ZP4: variants seen among roughly 807,000 people sequenced by gnomAD.
ZP4 encodes the protein zona pellucida sperm-binding protein 4.
Under a neutral mutation model 62.3 loss-of-function variants are expected in ZP4, and 62 were observed. That is an observed-to-expected ratio of 0.99 (90% CI 0.81 to 1.23). The LOEUF is 1.23. Ranked by LOEUF, ZP4 falls within the 50% of genes most tolerant of loss-of-function variation. The pLI, the probability that ZP4 is intolerant of heterozygous loss-of-function variation, is 0.00. For synonymous variants in ZP4, 289 were observed against 247.3 expected, an observed-to-expected ratio of 1.17 and a Z score of -1.58; for missense variants, 774 against 656.0, an observed-to-expected ratio of 1.18 and a Z score of -1.97.
chr1:237,885,914 T>C (rs770120836), intron 6 of ZP4, 28 bp from the exon 7 acceptor site: 9 of 1,613,308 alleles, frequency 5.6e-6, no homozygotes, highest in Non-Finnish European at 1.7e-6. Context: ...TTTAGCTAGT[T>C]GGTTGTGGGA....
intron 6 of ZP4, 148 bp downstream of exon 6, chr1:237,886,623 T>C: frequency 1.6e-6 from 1 of 622,632 alleles, no homozygotes; most frequent in Non-Finnish European, 2.8e-6. Flanking sequence ...CAGATGGACC[T>C]AATCAAGTAA....
chr1:237,888,642 G>A (rs1665166390), intron 3 of ZP4, 132 bp from the exon 4 acceptor site: 1 of 799,570 alleles, frequency 1.3e-6, no homozygotes, highest in East Asian at 2.8e-5. Flanking sequence ...ACTCCATATT[G>A]TAGATAGTAT....
chr1:237,885,552 A>C lies in ZP4; in HGVS notation c.999T>G (p.Val333=). 6.2e-7 allele frequency: 1 copy of C among 1,614,012 alleles called. No individual in the cohort carries two copies. Among genetic ancestry groups the C allele is most frequent in the Non-Finnish European group, 8.5e-7 (1 of 1,179,960 alleles). Residue 333 remains valine, a synonymous_variant, in exon 8 of 12, where the codon GTT becomes GTG. Transcript: ENST00000366570. Reference sequence around the variant, plus strand: ...GCAACTTCACCACTGGGTAGTCACCAACACCGTAGTAAGAGCCATAGTTTT... The same window carrying C: ...GCAACTTCACCACTGGGTAGTCACCCACACCGTAGTAAGAGCCATAGTTTT... The part of the protein sequence containing the change: ...KDKNYGSYYG[V]GDYPVVKLLR...
At chr1:237,884,632 C>A in intron 10 of ZP4, 137 bp downstream of exon 10, 1 of 730,804 alleles carries the variant, frequency 1.4e-6, no homozygotes, top group East Asian at 2.8e-5. Context: ...CATCTTTGTT[C>A]TATGGCACCG....
At chr1:237,888,325 C>T (rs1187306851) in intron 4 of ZP4, 33 bp downstream of exon 4, 1 of 1,511,668 alleles carries the variant, frequency 6.6e-7, no homozygotes. Context: ...CACACTTCCT[C>T]AGCTGGTTTC....
intron 6 of ZP4, 91 bp downstream of exon 6, chr1:237,886,680 A>G: frequency 9.4e-7 from 1 of 1,058,470 alleles, no homozygotes; most frequent in Admixed American, 2.0e-5. Flanking sequence ...GTTTTCTCCT[A>G]TTGCTGAGGA....
chr1:237,883,763 G>GAGAGAGGAAGAGAGAGGA lies in ZP4; in HGVS notation c.1391-918_1391-917insTCCTCTCTCTTCCTCTCT, dbSNP rs1664994702. Reference sequence around the variant, plus strand: ...AGAGGGAGAGAGAGGGAGAGAGAGGGAGAGAGAGGAAGAGAGAGGAAGAGA... The same window carrying GAGAGAGGAAGAGAGAGGA: ...AGAGGGAGAGAGAGGGAGAGAGAGGGAGAGAGGAAGAGAGAGGAAGAGAGAGGAAGAGAGAGGAAGAGA... On this transcript the variant is annotated intron_variant, in intron 10 of 11. Transcript: ENST00000366570. 2.7e-4 allele frequency among the ~76,000 whole-genome samples: 12 copies of GAGAGAGGAAGAGAGAGGA among 44,188 alleles called. 1 individual carries two copies. The highest frequency in any genetic ancestry group is 1.3e-3 in the South Asian group (1 of 778). 29.0% of individuals were successfully genotyped at this position (44,188 alleles called of 152,430 possible).
chr1:237,888,139 T>A (rs1039797135), intron 4 of ZP4, among the ~76,000 whole-genome samples: 1 of 152,348 alleles, frequency 6.6e-6, no homozygotes, highest in Admixed American at 6.5e-5. Flanking sequence ...GCACATAGCC[T>A]TCAAGTCTGA....
At chr1:237,884,022 AC>A (rs1372440226) in intron 10 of ZP4, among the ~76,000 whole-genome samples, 2 of 60,266 alleles carry the variant, frequency 3.3e-5, no homozygotes, top group African/African-American at 6.6e-5. Flanking sequence ...ACACAAACAC[AC>A]ACACACACAA....
intron 10 of ZP4, among the ~76,000 whole-genome samples, chr1:237,883,720 AGGGCGGGG>A (rs1343911858): frequency 0.013 from 302 of 22,474 alleles, 47 homozygotes; most frequent in African/African-American, 0.043. Context: ...AGGGCGGGGG[AGGGCGGGG>A]GAGGGAGAGA....
chr1:237,883,961 C>CAA (rs1665008292), intron 10 of ZP4, among the ~76,000 whole-genome samples: 1 of 79,632 alleles, frequency 1.3e-5, no homozygotes, highest in African/African-American at 6.5e-5. Context: ...ACTGGTCACA[C>CAA]ACACAAACAC....
Position 237,889,981 on chromosome 1 carries a change from G to T in ZP4, c.298-12C>A, listed in dbSNP as rs1176410900. 1.2e-6 allele frequency: 2 copies of T among 1,614,058 alleles called. No homozygotes were observed. Among genetic ancestry groups the T allele is most frequent in the Non-Finnish European group, 1.7e-6 (2 of 1,180,032 alleles). On this transcript the variant is annotated splice_polypyrimidine_tract_variant and intron_variant, in intron 2 of 11. Transcript: ENST00000366570. ...ATGTAGTGGGAGTCCTGGAGAGACA[G>T]GCCCTTGGGGGTCAGCCTGGATGGT...
In ZP4 at chr1:237,890,716, T is replaced by C; in HGVS notation, c.-81A>G. 1 of 1,487,390 alleles carries C rather than the reference T, an allele frequency of 6.7e-7. No individual in the cohort carries two copies. The highest frequency in any genetic ancestry group is 9.0e-7 in the Non-Finnish European group (1 of 1,106,920). The allele number at this position is 1,487,390 out of a possible 1,614,324, so 92.1% of individuals were successfully genotyped here. ...CGAGGGTCTGCCTGCCCAGATTCCT[T>C]TATATACAGAAGTCAGGCTTGTTTT... On this transcript the variant is annotated 5_prime_UTR_variant, in exon 1 of 12. Coordinates refer to ENST00000366570, the MANE Select transcript of ZP4 (RefSeq NM_021186.5).
rs1459256038 is a variant in ZP4 at position 237,883,616 on chromosome 1, AGGTGGGAGAGAGGG to A, written c.1391-784_1391-771del. On this transcript the variant is annotated intron_variant, in intron 10 of 11. Transcript: ENST00000366570. ...GTAATCCCAGCTACTCAGGAGGCTG[AGGTGGGAGAGAGGG>A]GGAGGGGGAGGGCGGGGGAGGGCGG... 5.1e-4 allele frequency among the ~76,000 whole-genome samples: 45 copies of A among 88,926 alleles called. 2 individuals are homozygous for A. The highest frequency in any genetic ancestry group is 5.3e-3 in the Middle Eastern group (1 of 188). 58.3% of individuals were successfully genotyped at this position (88,926 alleles called of 152,430 possible).
At position 237,882,466 on chromosome 1, in the gene ZP4, C is replaced by A; in HGVS notation, c.1579G>T (p.Ala527Ser). ...ILGALLVSYLAVKKQKSCPDQ... is the reference protein window; with the variant it reads ...ILGALLVSYLSVKKQKSCPDQ... ...GGGCAACTCTTCTGTTTCTTGACAGCCAAGTAGGATACTAACAAGGCTCCA... is the reference window on the plus strand; with the variant it reads ...GGGCAACTCTTCTGTTTCTTGACAGACAAGTAGGATACTAACAAGGCTCCA... Residue 527 changes from alanine (A) to serine (S), a missense_variant, in exon 12 of 12, where the codon GCT becomes TCT. Transcript: ENST00000366570. 2.5e-6 allele frequency: 4 copies of A among 1,610,738 alleles called. No homozygotes were observed. The highest frequency in any genetic ancestry group is 3.4e-6 in the Non-Finnish European group (4 of 1,179,296).
In ZP4 at chr1:237,887,571, A is replaced by G. The variant is rs759952720; in HGVS notation, c.554-10T>C. The G allele has an allele frequency of 4.3e-6, 7 of 1,611,830 alleles. No homozygotes were observed. The African/African-American group carries it at 8.0e-5, about 18-fold the overall frequency. On this transcript the variant is annotated splice_polypyrimidine_tract_variant and intron_variant, in intron 4 of 11. Transcript: ENST00000366570. ...GTACAATGCAAGGTCACTGAAACAG[A>G]GCAGCTGTGCTGAAGGCAGGTCATC...
intron 4 of ZP4, among the ~76,000 whole-genome samples, chr1:237,887,866 G>C (rs1477236942): frequency 7.0e-6 from 1 of 143,020 alleles, no homozygotes; most frequent in Admixed American, 6.9e-5. Flanking sequence ...TTAAGATTAA[G>C]ATCTTGGAAT....
chr1:237,883,706 G>GAAGA (rs1664982338), intron 10 of ZP4, among the ~76,000 whole-genome samples: 1 of 17,100 alleles, frequency 5.8e-5, no homozygotes, highest in African/African-American at 2.9e-4. Context: ...GGGGAGGGCG[G>GAAGA]GGGAGGGCGG....
At chr1:237,888,553 GTTAGTCTTGA>G (rs1474155585) in intron 3 of ZP4, 43 bp from the exon 4 acceptor site, 2 of 1,547,618 alleles carry the variant, frequency 1.3e-6, no homozygotes, top group Admixed American at 1.8e-5. Flanking sequence ...TAATGGAAAA[GTTAGTCTTGA>G]ATACCATTTT....
Sources: allele counts gnomAD v4.1 joint callset (sites outside exome capture counted in the v4.1 genomes callset), GRCh38; gene constraint gnomAD v4.1.1; transcripts MANE v1.5; gene names NCBI Gene and HGNC (gene_info 2026-07-23, HGNC 2026-07-21).